The following NFAT5 variants were observed in gnomAD, a reference collection of about 807,000 sequenced individuals.
NFAT5 encodes the protein nuclear factor of activated T-cells 5.
In NFAT5, 31 loss-of-function variants were observed where a neutral mutation model predicts 166.5. The observed-to-expected ratio is 0.19, with a 90% CI of 0.14 to 0.25. The LOEUF is 0.25. Ranked by LOEUF, NFAT5 falls within the 10% of genes least tolerant of loss-of-function variation. The pLI is 1.00. For synonymous variants in NFAT5, 612 were observed against 639.7 expected (o/e 0.96, Z 0.65); for missense variants, 1,449 against 1,821.8 (o/e 0.80, Z 3.72).
At chr16:69,603,698 G>T (rs1325478217) in intron 2 of NFAT5, among the ~76,000 whole-genome samples, 1 of 152,168 alleles carries the variant, frequency 6.6e-6, no homozygotes, top group Non-Finnish European at 1.5e-5. Flanking sequence ...GTTGCAGTGA[G>T]CTGAGATTAC....
chr16:69,606,966 C>T (rs1352767926), intron 2 of NFAT5, among the ~76,000 whole-genome samples: 2 of 152,082 alleles, frequency 1.3e-5, no homozygotes, highest in East Asian at 1.9e-4. Context: ...AAATAATGTC[C>T]GTGGAATATC....
chr16:69,569,893 A>G (rs1349061461), intron 2 of NFAT5, among the ~76,000 whole-genome samples: 1 of 152,228 alleles, frequency 6.6e-6, no homozygotes, highest in Admixed American at 6.5e-5. Context: ...AATTTTTAGC[A>G]GTGTTTCTTA....
At chr16:69,637,608 T>A (rs1438635910) in intron 3 of NFAT5, among the ~76,000 whole-genome samples, 1 of 152,100 alleles carries the variant, frequency 6.6e-6, no homozygotes, top group Non-Finnish European at 1.5e-5. Flanking sequence ...GATAAACTCA[T>A]CAGATCTTGT....
rs1449942644 is a variant in NFAT5, at chr16:69,681,163, T to C, written c.1691-3724T>C. 2.6e-5 allele frequency among the ~76,000 whole-genome samples: 4 copies of C among 152,296 alleles called. No individual in the cohort carries two copies. The East Asian group carries it at 7.7e-4, about 29-fold the overall frequency. ...TCAGGAAAACTTGGGCACAGAGAAT[T>C]TGGCCTATCTCAGTATGACAAACTA... On this transcript the variant is annotated intron_variant, in intron 10 of 14. Transcript: ENST00000349945.
At chr16:69,632,660 T>TA (rs2034771777) in intron 3 of NFAT5, 1 of 152,234 alleles carries the variant, frequency 6.6e-6, no homozygotes, top group Non-Finnish European at 1.5e-5. Context: ...TTGAGTTGAC[T>TA]AAATTTGAGG....
intron 10 of NFAT5, among the ~76,000 whole-genome samples, chr16:69,680,782 T>C (rs2037026274): frequency 6.6e-6 from 1 of 152,160 alleles, no homozygotes; most frequent in South Asian, 2.1e-4. Flanking sequence ...TTTTTTGAGA[T>C]GAATTCTTGC....
rs56167650 is a variant in NFAT5 at position 69,568,571 on chromosome 16, G to A, written c.127+23G>A. ...AAGGTCAGCAAAGTACCATTTTAAA[G>A]CATATTGTGTTAGTATGCAAAGGCT... On this transcript the variant is annotated intron_variant, in intron 2 of 14. Coordinates refer to ENST00000349945, the MANE Select transcript of NFAT5 (RefSeq NM_138713.4). 2.5e-4 allele frequency: 406 copies of A among 1,599,210 alleles called. 2 individuals are homozygous for A. In the East Asian group the frequency reaches 8.6e-3, roughly 34 times the overall value.
Position 69,568,538 on chromosome 16 carries a change from A to G in NFAT5, c.117A>G (p.Gly39=), listed in dbSNP as rs758201876. 4 of 1,612,686 alleles carry G rather than the reference A, an allele frequency of 2.5e-6. No individual in the cohort carries two copies. The highest frequency in any genetic ancestry group is 3.4e-6 in the Non-Finnish European group (4 of 1,179,226). The change falls in exon 2 of 15, where the codon GGA becomes GGG. Residue 39 remains glycine (G), a synonymous_variant. Transcript: ENST00000349945. ...CATCACAGAATTTTCATAGAGCTGG[A>G]CTATTGGAAGGTCAGCAAAGTACCA... ...LHPSQNFHRA[G]LLEESVYDLL...
chr16:69,632,501 T>C (rs2034765532), intron 3 of NFAT5: 1 of 152,170 alleles, frequency 6.6e-6, no homozygotes, highest in Admixed American at 6.5e-5. Flanking sequence ...TCTCTACAAG[T>C]GTCAGGATCT....
chr16:69,695,506 CTCTGAATAAAATTAT>C lies in NFAT5; in HGVS notation c.*8+135_*8+149del, dbSNP rs1398284934. ...TTTCTCACAAGATGATACTTTTTTA[CTCTGAATAAAATTAT>C]TCTGAATGATAGCTTATGGTCATAT... On this transcript the variant is annotated intron_variant, in intron 14 of 14. Transcript: ENST00000349945. 1.8e-5 allele frequency: 12 copies of C among 683,846 alleles called. No individual in the cohort carries two copies. The Admixed American group carries it at 3.1e-4, about 17-fold the overall frequency. The allele number at this position is 683,846 out of a possible 1,614,324, so 42.4% of individuals were successfully genotyped here.
At chr16:69,606,463 G>T (rs947234471) in intron 2 of NFAT5, among the ~76,000 whole-genome samples, 1 of 151,542 alleles carries the variant, frequency 6.6e-6, no homozygotes, top group Middle Eastern at 3.4e-3. Flanking sequence ...ATTTTTAAAT[G>T]TTGGCAATTA....
intron 8 of NFAT5, 58 bp from the exon 9 acceptor site, chr16:69,670,178 G>A: frequency 6.3e-7 from 1 of 1,575,456 alleles, no homozygotes; most frequent in Non-Finnish European, 8.6e-7. Flanking sequence ...TATAGTCATA[G>A]CTACAGAGTA....
chr16:69,592,824 T>C (rs1280473706), intron 2 of NFAT5, among the ~76,000 whole-genome samples: 3 of 152,204 alleles, frequency 2.0e-5, no homozygotes, highest in African/African-American at 7.2e-5. Context: ...ATTTGATCAT[T>C]AAATGGAATA....
intron 7 of NFAT5, among the ~76,000 whole-genome samples, chr16:69,664,957 G>GT (rs1295824262): frequency 6.6e-6 from 1 of 152,162 alleles, no homozygotes; most frequent in Non-Finnish European, 1.5e-5. Flanking sequence ...AACCTGGGAG[G>GT]TGGAGGTTGC....
intron 6 of NFAT5, 142 bp downstream of exon 6, chr16:69,655,941 G>A: frequency 1.6e-6 from 1 of 628,172 alleles, no homozygotes; most frequent in Non-Finnish European, 2.6e-6. Context: ...CATTACTTCA[G>A]AATGGTAATG....
chr16:69,655,790 T>C lies in NFAT5; in HGVS notation c.1187T>C (p.Met396Thr). 1 of 1,612,372 alleles carries C rather than the reference T, an allele frequency of 6.2e-7. No homozygotes were observed. The highest frequency in any genetic ancestry group is 8.5e-7 in the Non-Finnish European group (1 of 1,178,888). Residue 396 changes from methionine to threonine, a missense_variant, in exon 6 of 15, where the codon ATG becomes ACG. Met to Thr is a moderately conservative substitution (Grantham distance 81, BLOSUM62 -1). Coordinates refer to ENST00000349945, the MANE Select transcript of NFAT5 (RefSeq NM_138713.4). Reference protein sequence around the residue: ...IEVGLDPSNNMTLAVDCVGIL... With the variant: ...IEVGLDPSNNTTLAVDCVGIL... ...GTCGGCCTTGATCCTAGCAACAACA[T>C]GACACTGGCGTAAGTACTTAGTAAG...
At chr16:69,627,845 A>G (rs984447916) in intron 3 of NFAT5, among the ~76,000 whole-genome samples, 6 of 152,182 alleles carry the variant, frequency 3.9e-5, no homozygotes, top group African/African-American at 1.4e-4. Context: ...GGCTCTGATG[A>G]TATTTTTCTG....
chr16:69,695,146 G>C lies in NFAT5; in HGVS notation c.4425G>C (p.Gln1475His). 1 of 1,614,012 alleles carries C rather than the reference G, an allele frequency of 6.2e-7. No individual in the cohort carries two copies. Among genetic ancestry groups the C allele is most frequent in the Non-Finnish European group, 8.5e-7 (1 of 1,179,892 alleles). ...TCAATGTCTCTGCAGACTGTAGTCA[G>C]CTTTTAACCTCTGGACCAGCTACAT... ...FLFGIQNNCS[Q>H]LLTSGPATLP... is the part of the protein sequence containing the mutation. Residue 1475 changes from glutamine to histidine, a missense_variant, in exon 14 of 15, where the codon CAG becomes CAC. By Grantham distance (24) the Gln-to-His change is conservative. Coordinates refer to ENST00000349945, the MANE Select transcript of NFAT5 (RefSeq NM_138713.4).
intron 11 of NFAT5, among the ~76,000 whole-genome samples, chr16:69,689,526 A>G (rs2037463282): frequency 1.3e-5 from 2 of 152,222 alleles, no homozygotes; most frequent in African/African-American, 4.8e-5. Flanking sequence ...AAAATTGCAA[A>G]TATTTTTAGA....
Sources: allele counts gnomAD v4.1 joint callset (sites outside exome capture counted in the v4.1 genomes callset), GRCh38; gene constraint gnomAD v4.1.1; transcripts MANE v1.5; gene names NCBI Gene and HGNC (gene_info 2026-07-23, HGNC 2026-07-21).